Variants in GRK5 observed in about 807,000 individuals in gnomAD.
GRK5 encodes G protein-coupled receptor kinase 5.
Under a neutral mutation model 78.4 loss-of-function variants are expected in GRK5, and 40 were observed. That is an observed-to-expected ratio of 0.51 (90% CI 0.40 to 0.66). GRK5 has a LOEUF of 0.66. GRK5 is among the 30% of genes least tolerant of loss of function. The probability of loss-of-function intolerance (pLI) is 0.00; values close to 1 mark genes in which losing one functional copy is unlikely to be tolerated. For missense variants in GRK5, 598 were observed against 759.9 expected (o/e 0.79, Z 2.50); for synonymous variants, 289 against 296.8 (o/e 0.97, Z 0.27).
At position 119,319,771 on chromosome 10, in the gene GRK5, C is replaced by G. The variant is rs565571658; in HGVS notation, c.53-6745C>G. 1.4e-3 allele frequency among the ~76,000 whole-genome samples: 211 copies of G among 152,356 alleles called. 5 individuals are homozygous for G. In the South Asian group the frequency reaches 0.043, roughly 31 times the overall value. ...GCTTATTCCCTGGCTCCATTAATTC[C>G]TCTCCCTGAGCCTCAGCTTTCTCAT... On this transcript the variant is annotated intron_variant, in intron 1 of 15. Transcript: ENST00000392870.
At chr10:119,363,377 TCA>T in intron 2 of GRK5, among the ~76,000 whole-genome samples, 1 of 152,018 alleles carries the variant, frequency 6.6e-6, no homozygotes, top group South Asian at 2.1e-4. Context: ...TCTAGATAGG[TCA>T]TACTATTATT....
intron 1 of GRK5, among the ~76,000 whole-genome samples, chr10:119,215,341 T>G (rs1848554283): frequency 6.6e-6 from 1 of 151,946 alleles, no homozygotes; most frequent in African/African-American, 2.4e-5. Context: ...TCTGTGCATT[T>G]AGTGAGTGTG....
At chr10:119,209,840 A>G (rs1848457789) in intron 1 of GRK5, among the ~76,000 whole-genome samples, 2 of 151,994 alleles carry the variant, frequency 1.3e-5, no homozygotes, top group African/African-American at 4.8e-5. Context: ...TGCTGTAGAT[A>G]TTTGTTTGCC....
At chr10:119,410,434 G>A (rs1483568207) in intron 4 of GRK5, among the ~76,000 whole-genome samples, 1 of 152,190 alleles carries the variant, frequency 6.6e-6, no homozygotes, top group African/African-American at 2.4e-5. Context: ...TTTTCTTGAA[G>A]GGCTGCAGCT....
intron 2 of GRK5, among the ~76,000 whole-genome samples, chr10:119,344,577 A>G (rs986193864): frequency 2.6e-5 from 4 of 151,788 alleles, no homozygotes; most frequent in Admixed American, 1.3e-4. Flanking sequence ...CTTTTTGGGG[A>G]TGGTTTCTCG....
chr10:119,229,532 C>A (rs1438215446), intron 1 of GRK5, among the ~76,000 whole-genome samples: 1 of 152,164 alleles, frequency 6.6e-6, no homozygotes, highest in Non-Finnish European at 1.5e-5. Context: ...GTCAATTGAA[C>A]TGACATGATT....
chr10:119,308,846 C>T lies in GRK5; in HGVS notation c.53-17670C>T, dbSNP rs563511179. Among the ~76,000 whole-genome samples the T allele has an allele frequency of 5.5e-4, 70 of 126,154 alleles. 2 individuals are homozygous for T. The South Asian group carries it at 0.019, about 35-fold the overall frequency. The allele number at this position is 126,154 out of a possible 152,430, so 82.8% of individuals were successfully genotyped here. A position where few individuals can be genotyped will look rare whatever the true frequency, so the allele number is the denominator to read the frequency against. The stretch of plus-strand genomic sequence containing the variant: ...ATCCTGGGCAGGTCCAGTTCTGAGG[C>T]AGGGGAGCCCTGTATGGATTTGGGG... On this transcript the variant is annotated intron_variant, in intron 1 of 15. Transcript: ENST00000392870.
chr10:119,303,767 A>G (rs1165069273), intron 1 of GRK5, among the ~76,000 whole-genome samples: 2 of 151,226 alleles, frequency 1.3e-5, no homozygotes, highest in Admixed American at 6.6e-5. Flanking sequence ...CCCTGGGGCC[A>G]TAGGGAGGGG....
chr10:119,404,047 G>A (rs1484434034), intron 4 of GRK5, among the ~76,000 whole-genome samples: 1 of 152,212 alleles, frequency 6.6e-6, no homozygotes, highest in Non-Finnish European at 1.5e-5. Context: ...CATAGGAGTA[G>A]AATTGCTGGG....
At chr10:119,313,198 TGGTAATGGTAGTGGTGGTGGTGAC>T (rs1247557397) in intron 1 of GRK5, among the ~76,000 whole-genome samples, 1 of 149,202 alleles carries the variant, frequency 6.7e-6, no homozygotes, top group Non-Finnish European at 1.5e-5. Flanking sequence ...ATGATGGTGG[TGGTAATGGTAGTGGTGGTGGTGAC>T]GGTAGTGATG....
At chr10:119,427,771 GGCATCACCACCATCATCA>G in intron 6 of GRK5, among the ~76,000 whole-genome samples, 1 of 59,614 alleles carries the variant, frequency 1.7e-5, no homozygotes, top group South Asian at 5.1e-4. Flanking sequence ...CACCATCAGC[GGCATCACCACCATCATCA>G]GCATCACCAC....
intron 1 of GRK5, among the ~76,000 whole-genome samples, chr10:119,302,856 G>A (rs368703048): frequency 1.3e-5 from 2 of 152,264 alleles, no homozygotes; most frequent in East Asian, 1.9e-4. Flanking sequence ...CTGTCCCCAC[G>A]TGACCAACAT....
At chr10:119,218,492 C>T (rs977916956) in intron 1 of GRK5, among the ~76,000 whole-genome samples, 7 of 152,104 alleles carry the variant, frequency 4.6e-5, no homozygotes, top group South Asian at 2.1e-4. Context: ...TGGAGAAGGT[C>T]GACAAATGTC....
chr10:119,255,678 C>T (rs80167187), intron 1 of GRK5, among the ~76,000 whole-genome samples: 1 of 152,234 alleles, frequency 6.6e-6, no homozygotes, highest in Admixed American at 6.5e-5. Context: ...TCCCGCCATG[C>T]CTGCTGCCCC....
intron 15 of GRK5, 31 bp downstream of exon 15, chr10:119,453,307 A>T: frequency 6.2e-7 from 1 of 1,612,812 alleles, no homozygotes; most frequent in Non-Finnish European, 8.5e-7. Flanking sequence ...CAGTCCTGGC[A>T]TCAGCTCCGA....
At chr10:119,377,144 T>A (rs900279444) in intron 2 of GRK5, among the ~76,000 whole-genome samples, 3 of 152,156 alleles carry the variant, frequency 2.0e-5, no homozygotes, top group African/African-American at 7.2e-5. Context: ...AGACCACACT[T>A]TGGAGAAAGA....
Position 119,452,370 on chromosome 10 carries a change from C to A in GRK5, c.1405-301C>A. 2.8e-6 allele frequency: 1 copy of A among 362,980 alleles called. No homozygotes were observed. Among genetic ancestry groups the A allele is most frequent in the South Asian group, 3.9e-5 (1 of 25,880 alleles). 22.5% of individuals were successfully genotyped at this position (362,980 alleles called of 1,614,324 possible). On this transcript the variant is annotated intron_variant, in intron 13 of 15. Coordinates refer to ENST00000392870, the MANE Select transcript of GRK5 (RefSeq NM_005308.3). The surrounding 1 kb of genome is among the most constrained non-coding windows in gnomAD (Gnocchi z 4.4). ...CAGGTGCCCCGAGCTCCTGTGTCAC[C>A]CCAGCCAGGGTCCCCGTCATGGATC... is the stretch of plus-strand genomic sequence containing the variant.
intron 12 of GRK5, among the ~76,000 whole-genome samples, chr10:119,444,845 G>C (rs924650391): frequency 1.3e-4 from 20 of 152,316 alleles, no homozygotes; most frequent in African/African-American, 4.3e-4. Flanking sequence ...GACAACCCAG[G>C]CAACTCCCGG....
intron 2 of GRK5, among the ~76,000 whole-genome samples, chr10:119,351,118 T>C (rs1208318923): frequency 2.0e-5 from 3 of 152,204 alleles, no homozygotes; most frequent in Non-Finnish European, 4.4e-5. Flanking sequence ...GAATGTGTTA[T>C]GCATTTATTT....
Sources: gnomAD v4.1 joint callset for allele counts (sites outside exome capture counted in the v4.1 genomes callset) on GRCh38, gnomAD v4.1.1 for gene constraint, Gnocchi (gnomAD v3.1) non-coding constraint, MANE v1.5 for transcripts, NCBI Gene and HGNC (gene_info 2026-07-23, HGNC 2026-07-21) for gene names.